The following MED27 variants were observed in gnomAD, a reference collection of about 807,000 sequenced individuals.
MED27 encodes mediator of RNA polymerase II transcription subunit 27.
A neutral mutation model predicts 38.2 loss-of-function variants in MED27; 30 were observed. That is an observed-to-expected ratio of 0.79 (90% CI 0.59 to 1.07). MED27 has a LOEUF of 1.07. MED27 is among the 50% of genes least tolerant of loss of function. MED27 has a pLI of 0.00. For missense variants in MED27, 289 were observed against 397.5 expected, an observed-to-expected ratio of 0.73 and a Z score of 2.32; for synonymous variants, 122 against 153.5, an observed-to-expected ratio of 0.79 and a Z score of 1.52.
At chr9:132,004,860 A>C (rs1832323349) in intron 3 of MED27, among the ~76,000 whole-genome samples, 1 of 152,152 alleles carries the variant, frequency 6.6e-6, no homozygotes. Flanking sequence ...AGCCTTCAGG[A>C]CTCATTCATT....
At chr9:132,002,650 G>A (rs1454150666) in intron 3 of MED27, among the ~76,000 whole-genome samples, 3 of 152,128 alleles carry the variant, frequency 2.0e-5, no homozygotes, top group Non-Finnish European at 4.4e-5. Flanking sequence ...AGTGGCTCTC[G>A]CCTATAATCC....
chr9:131,971,486 G>A (rs924527403), intron 3 of MED27, among the ~76,000 whole-genome samples: 8 of 152,218 alleles, frequency 5.3e-5, no homozygotes, highest in Admixed American at 3.3e-4. Context: ...AGAAGCCACT[G>A]AGGGGTTTAA....
At chr9:132,033,311 G>A (rs192149582) in intron 2 of MED27, among the ~76,000 whole-genome samples, 3 of 152,182 alleles carry the variant, frequency 2.0e-5, no homozygotes, top group African/African-American at 7.2e-5. Context: ...CCGAGGCTTC[G>A]GATTCAATAC....
chr9:132,034,026 A>G (rs550875463), intron 2 of MED27, among the ~76,000 whole-genome samples: 1 of 152,358 alleles, frequency 6.6e-6, no homozygotes, highest in East Asian at 1.9e-4. Context: ...ATAATATAAC[A>G]GTGCCAATCT....
chr9:131,933,807 A>C (rs1175924223), intron 4 of MED27, among the ~76,000 whole-genome samples: 1 of 152,190 alleles, frequency 6.6e-6, no homozygotes, highest in African/African-American at 2.4e-5. Flanking sequence ...GGAACCACAA[A>C]AGATCCAGAA....
chr9:132,026,585 T>C (rs1459492223), intron 2 of MED27, among the ~76,000 whole-genome samples: 1 of 152,140 alleles, frequency 6.6e-6, no homozygotes. Context: ...GAGCATTCAA[T>C]AAAAATGTGC....
intron 3 of MED27, among the ~76,000 whole-genome samples, chr9:132,000,904 C>G (rs1403997700): frequency 6.6e-6 from 1 of 151,668 alleles, no homozygotes; most frequent in Non-Finnish European, 1.5e-5. Flanking sequence ...GATAAACAAA[C>G]AAACAAACCA....
chr9:131,996,543 C>T (rs1832094974), intron 3 of MED27, among the ~76,000 whole-genome samples: 1 of 152,206 alleles, frequency 6.6e-6, no homozygotes, highest in African/African-American at 2.4e-5. Context: ...CCTGGAGGGG[C>T]AGCTCCTCAA....
intron 4 of MED27, among the ~76,000 whole-genome samples, chr9:131,921,721 C>A (rs1465955559): frequency 6.6e-6 from 1 of 152,286 alleles, no homozygotes; most frequent in African/African-American, 2.4e-5. Flanking sequence ...AAGACACATG[C>A]ACACGTATGT....
chr9:131,990,784 C>T (rs75246086), intron 3 of MED27, among the ~76,000 whole-genome samples: 4,536 of 152,294 alleles, frequency 0.03, 241 homozygotes, highest in African/African-American at 0.1. Context: ...ACTGCACCTC[C>T]TGGAGGACTG....
intron 3 of MED27, among the ~76,000 whole-genome samples, chr9:131,945,994 G>A (rs187424759): frequency 2.7e-5 from 4 of 148,206 alleles, no homozygotes; most frequent in Admixed American, 6.7e-5. Context: ...AAAAGCGATC[G>A]TGCAATATTT....
chr9:131,950,462 G>A (rs1345512420), intron 3 of MED27, among the ~76,000 whole-genome samples: 2 of 152,208 alleles, frequency 1.3e-5, no homozygotes, highest in African/African-American at 2.4e-5. Context: ...CTCGGATGTG[G>A]TGACTGCTTC....
intron 2 of MED27, among the ~76,000 whole-genome samples, chr9:132,053,175 C>T (rs1833501399): frequency 1.3e-5 from 2 of 152,036 alleles, no homozygotes; most frequent in African/African-American, 2.4e-5. Context: ...ATGGCCTGAA[C>T]CCAGGAGGCG....
At chr9:131,976,494 T>C (rs1336857831) in intron 3 of MED27, among the ~76,000 whole-genome samples, 1 of 152,216 alleles carries the variant, frequency 6.6e-6, no homozygotes, top group East Asian at 1.9e-4. Flanking sequence ...AGTGATAGGA[T>C]TATTCCCAGG....
At position 131,872,263 on chromosome 9, in the gene MED27, G is replaced by A. The variant is rs551961093; in HGVS notation, c.724-9123C>T. ...ACAGGACTGTGGCCGAGCAGCGCCT[G>A]GGGGAGCTGAGCTTGAACAGAGACG... On this transcript the variant is annotated intron_variant, in intron 6 of 7. Coordinates refer to ENST00000292035, the MANE Select transcript of MED27 (RefSeq NM_004269.4). This position sits in a 1 kb window ranked among gnomAD's most constrained non-coding sequence, Gnocchi z 5.6. 6.6e-6 allele frequency among the ~76,000 whole-genome samples: 1 copy of A among 152,266 alleles called. No homozygotes were observed. The highest frequency in any genetic ancestry group is 2.4e-5 in the African/African-American group (1 of 41,562).
At chr9:131,882,281 G>T (rs74627454) in intron 6 of MED27, among the ~76,000 whole-genome samples, 1,810 of 152,238 alleles carry the variant, frequency 0.012, 13 homozygotes, top group Middle Eastern at 0.02. Context: ...TCTAGAGGGT[G>T]GTCCATGACG....
chr9:131,940,454 T>C (rs1412418090), intron 3 of MED27, among the ~76,000 whole-genome samples: 1 of 151,586 alleles, frequency 6.6e-6, no homozygotes, highest in Non-Finnish European at 1.5e-5. Flanking sequence ...CTTGCTCTAT[T>C]GCCCAGGCTG....
chr9:131,875,294 G>A (rs1838910908), intron 6 of MED27, among the ~76,000 whole-genome samples: 1 of 152,164 alleles, frequency 6.6e-6, no homozygotes, highest in African/African-American at 2.4e-5. Context: ...GTGACCAGAA[G>A]AGCAGATAAC....
chr9:131,958,224 A>C (rs989768715), intron 3 of MED27, among the ~76,000 whole-genome samples: 10 of 151,870 alleles, frequency 6.6e-5, no homozygotes, highest in African/African-American at 2.4e-4. Context: ...AAATATTAAT[A>C]GGATGAGAGT....
Sources: allele counts gnomAD v4.1 joint callset (sites outside exome capture counted in the v4.1 genomes callset), GRCh38; gene constraint gnomAD v4.1.1; non-coding constraint Gnocchi (gnomAD v3.1); transcripts MANE v1.5; gene names NCBI Gene and HGNC (gene_info 2026-07-23, HGNC 2026-07-21).